Variants in DPPA2 observed in about 807,000 individuals in gnomAD.
DPPA2 encodes the protein developmental pluripotency associated 2.
A neutral mutation model predicts 36.2 loss-of-function variants in DPPA2; 26 were observed. The observed-to-expected ratio is 0.72, with a 90% CI of 0.53 to 1.00. The LOEUF (loss-of-function observed/expected upper bound fraction) is 1.00. Among genes scored for constraint, DPPA2 ranks in the 50% least tolerant of loss-of-function variants. DPPA2 has a pLI of 0.00. For missense variants in DPPA2, 361 were observed against 365.1 expected (o/e 0.99, Z 0.09); for synonymous variants, 113 against 123.2 (o/e 0.92, Z 0.55).
chr3:109,314,256 C>G (rs1375872099), intron 2 of DPPA2, among the ~76,000 whole-genome samples: 3 of 151,874 alleles, frequency 2.0e-5, no homozygotes, highest in African/African-American at 7.3e-5. Flanking sequence ...TCTCATCTTT[C>G]CTACCAAAGA....
At chr3:109,296,539 G>T (rs182577052) in intron 8 of DPPA2, among the ~76,000 whole-genome samples, 3 of 152,154 alleles carry the variant, frequency 2.0e-5, no homozygotes, top group African/African-American at 7.2e-5. Context: ...GCTGGGTGTC[G>T]TGGCACATGC....
At chr3:109,300,580 G>A in intron 7 of DPPA2, 145 bp from the exon 8 acceptor site, 2 of 730,294 alleles carry the variant, frequency 2.7e-6, no homozygotes, top group African/African-American at 1.7e-5. Context: ...CTAGCACTGT[G>A]GGAGGCTGAG....
chr3:109,306,917 G>A (rs1328892590), intron 6 of DPPA2, among the ~76,000 whole-genome samples: 3 of 151,668 alleles, frequency 2.0e-5, no homozygotes, highest in Admixed American at 6.6e-5. Flanking sequence ...GGTGATTCAC[G>A]TGCCTTGGCC....
chr3:109,299,204 C>CAAA (rs35767226), intron 8 of DPPA2, among the ~76,000 whole-genome samples: 1 of 131,222 alleles, frequency 7.6e-6, no homozygotes, highest in Non-Finnish European at 1.7e-5. Flanking sequence ...CTAAACATAC[C>CAAA]AAAAAAAAAA....
chr3:109,311,470 T>G (rs990363433), intron 3 of DPPA2, among the ~76,000 whole-genome samples: 53 of 152,196 alleles, frequency 3.5e-4, no homozygotes, highest in Non-Finnish European at 5.9e-5. Flanking sequence ...CCGGTCGCAG[T>G]GGCTCACGCC....
Position 109,307,603 on chromosome 3 carries a change from CAAAA to C in DPPA2, c.658+425_658+428del, listed in dbSNP as rs769445059. 1.0e-3 allele frequency among the ~76,000 whole-genome samples: 46 copies of C among 43,842 alleles called. 1 individual carries two copies. The highest frequency in any genetic ancestry group is 3.2e-3 in the African/African-American group (44 of 13,602). The allele number at this position is 43,842 out of a possible 152,430, so 28.8% of individuals were successfully genotyped here. On this transcript the variant is annotated intron_variant, in intron 6 of 8. Transcript: ENST00000478945. ...GGGCAACAAGAGCGAAACTCCATCTCAAAAAAAAAAAAAAAAAAAAAAGAACAGG... is the reference window on the plus strand; with the variant it reads ...GGGCAACAAGAGCGAAACTCCATCTCAAAAAAAAAAAAAAAAAAGAACAGG...
At chr3:109,307,531 A>G (rs2699955) in intron 6 of DPPA2, among the ~76,000 whole-genome samples, 34,861 of 146,300 alleles carry the variant, frequency 0.24, 4,287 homozygotes, top group Middle Eastern at 0.29. Flanking sequence ...TGAAACTGGG[A>G]GGCAGAGGTT....
intron 7 of DPPA2, among the ~76,000 whole-genome samples, chr3:109,301,399 C>T (rs1269372453): frequency 6.6e-6 from 1 of 152,086 alleles, no homozygotes; most frequent in African/African-American, 2.4e-5. Flanking sequence ...CTCCTGTAAT[C>T]CTAGCACTTT....
chr3:109,311,655 G>A (rs764697410), intron 3 of DPPA2, among the ~76,000 whole-genome samples: 8 of 151,676 alleles, frequency 5.3e-5, no homozygotes, highest in East Asian at 1.9e-4. Flanking sequence ...CAGGAGAATC[G>A]CTTGAACCCA....
At chr3:109,310,863 G>A (rs936691230) in intron 3 of DPPA2, among the ~76,000 whole-genome samples, 2 of 151,760 alleles carry the variant, frequency 1.3e-5, no homozygotes, top group Non-Finnish European at 2.9e-5. Flanking sequence ...GTGCAGTGGT[G>A]CGATCTCGGC....
chr3:109,311,470 T>C (rs990363433), intron 3 of DPPA2, among the ~76,000 whole-genome samples: 4 of 152,196 alleles, frequency 2.6e-5, no homozygotes, highest in Non-Finnish European at 1.5e-5. Flanking sequence ...CCGGTCGCAG[T>C]GGCTCACGCC....
At chr3:109,316,066 T>G (rs976456317) in intron 1 of DPPA2, among the ~76,000 whole-genome samples, 1 of 151,584 alleles carries the variant, frequency 6.6e-6, no homozygotes, top group Non-Finnish European at 1.5e-5. Flanking sequence ...AGGTAATTTT[T>G]TCTTTTTTTC....
intron 8 of DPPA2, among the ~76,000 whole-genome samples, chr3:109,298,861 C>T (rs374676099): frequency 4.8e-4 from 73 of 151,242 alleles, no homozygotes; most frequent in South Asian, 1.9e-3. Context: ...CTGAGCAACA[C>T]GGTGAAACCC....
At chr3:109,303,295 C>A (rs563830137) in intron 7 of DPPA2, among the ~76,000 whole-genome samples, 1 of 151,754 alleles carries the variant, frequency 6.6e-6, no homozygotes, top group South Asian at 2.1e-4. Context: ...TTCCTCAGAA[C>A]GTGTAATCTT....
intron 3 of DPPA2, among the ~76,000 whole-genome samples, chr3:109,310,928 AGT>A (rs1707698720): frequency 6.6e-6 from 1 of 151,992 alleles, no homozygotes; most frequent in Non-Finnish European, 1.5e-5. Context: ...CAGCCTCCTC[AGT>A]AGCTGGGACT....
rs147016022 is a variant in DPPA2, at chr3:109,309,994, C to T, written c.182-664G>A. Among the ~76,000 whole-genome samples, 500 of 151,342 alleles carry T rather than the reference C, an allele frequency of 3.3e-3. 1 individual carries two copies. The highest frequency in any genetic ancestry group is 0.011 in the African/African-American group (467 of 41,252). ...CTGTAATCCCAGCACTTTGGGAGGC[C>T]GAGGTGGGTGGATCACCTGGGAGTT... On this transcript the variant is annotated intron_variant, in intron 3 of 8. Transcript: ENST00000478945.
chr3:109,306,241 A>T (rs930745215), intron 6 of DPPA2, among the ~76,000 whole-genome samples: 5 of 152,204 alleles, frequency 3.3e-5, no homozygotes, highest in African/African-American at 1.2e-4. Flanking sequence ...TAAAATGATA[A>T]GTCACTGTGG....
In DPPA2 at chr3:109,309,070, C is replaced by T. The variant is rs1438013412; in HGVS notation, c.352G>A (p.Val118Ile). The T allele has an allele frequency of 6.2e-7, 1 of 1,614,166 alleles. No homozygotes were observed. The highest frequency in any genetic ancestry group is 8.5e-7 in the Non-Finnish European group (1 of 1,180,038). The change falls in exon 5 of 9, where the codon GTT (valine) becomes ATT (isoleucine). Residue 118 changes from valine to isoleucine, a missense_variant. Val to Ile is a conservative substitution (Grantham distance 29). Transcript: ENST00000478945. Reference protein sequence around the residue: ...GLSTNGKKIEVYLRLHRHAYP... With the variant: ...GLSTNGKKIEIYLRLHRHAYP... ...GCATGCCTATGAAGCCTCAGATAAA[C>T]TTCGATTTTCTTAGGAAATGAAGAG...
chr3:109,302,046 C>T (rs1040784335), intron 7 of DPPA2, among the ~76,000 whole-genome samples: 1 of 152,210 alleles, frequency 6.6e-6, no homozygotes, highest in Non-Finnish European at 1.5e-5. Context: ...CCTTCTAAGA[C>T]TCTGTCCATT....
Sources: allele counts gnomAD v4.1 joint callset (sites outside exome capture counted in the v4.1 genomes callset), GRCh38; gene constraint gnomAD v4.1.1; transcripts MANE v1.5; gene names NCBI Gene and HGNC (gene_info 2026-07-23, HGNC 2026-07-21).